Variants in ZFHX3 observed in about 807,000 individuals in gnomAD.
The protein encoded by ZFHX3 is zinc finger homeobox protein 3.
Under a neutral mutation model 279.1 loss-of-function variants are expected in ZFHX3, and 42 were observed. The observed-to-expected ratio is 0.15, with a 90% CI of 0.12 to 0.19. ZFHX3 has a LOEUF of 0.19. ZFHX3 is among the 10% of genes least tolerant of loss of function. ZFHX3 has a pLI of 1.00. For missense variants in ZFHX3, 4,981 were observed against 4,754.0 expected, an observed-to-expected ratio of 1.05 and a Z score of -1.40; for synonymous variants, 2,293 against 1,957.8, an observed-to-expected ratio of 1.17 and a Z score of -4.52.
intron 1 of ZFHX3, among the ~76,000 whole-genome samples, chr16:73,759,223 T>C (rs1022235384): frequency 1.3e-5 from 2 of 152,216 alleles, no homozygotes; most frequent in African/African-American, 4.8e-5. Context: ...GATCCTTCTC[T>C]CTTGATGCTT....
chr16:73,241,096 CA>C (rs1347897901), intron 5 of ZFHX3, among the ~76,000 whole-genome samples: 1 of 152,188 alleles, frequency 6.6e-6, no homozygotes, highest in African/African-American at 2.4e-5. Context: ...GATGAGACCC[CA>C]CTGGAAGCTG....
intron 5 of ZFHX3, among the ~76,000 whole-genome samples, chr16:73,170,276 G>C (rs1248820941): frequency 1.9e-5 from 2 of 105,114 alleles, no homozygotes; most frequent in East Asian, 6.4e-4. Context: ...TGTCACCCAC[G>C]TTGGAGTGCA....
intron 3 of ZFHX3, among the ~76,000 whole-genome samples, chr16:73,437,453 T>G (rs1221895285): frequency 6.6e-6 from 1 of 152,068 alleles, no homozygotes; most frequent in Non-Finnish European, 1.5e-5. Flanking sequence ...TGGTGGGAAA[T>G]TGAAGCGTAT....
intron 2 of ZFHX3, among the ~76,000 whole-genome samples, chr16:73,562,797 C>T (rs897234183): frequency 6.6e-5 from 10 of 151,950 alleles, no homozygotes; most frequent in Non-Finnish European, 1.3e-4. Context: ...TTTTAAAAGC[C>T]TTTCTATGAA....
intron 7 of ZFHX3, among the ~76,000 whole-genome samples, chr16:73,110,949 GT>G (rs993747293): frequency 6.6e-6 from 1 of 151,232 alleles, no homozygotes; most frequent in African/African-American, 2.4e-5. Flanking sequence ...ATGATTTTAT[GT>G]TTTTTTTTGA....
chr16:72,959,440 C>A lies in ZFHX3; in HGVS notation c.706G>T (p.Val236Leu). ...PVLHSFRVFD[V>L]RHKSNKDYLN... Reference sequence around the variant, plus strand: ...TAATCCTTGTTGCTTTTGTGTCGCACGTCAAACACGCGGAAGCTGTGCAGG... The same window carrying A: ...TAATCCTTGTTGCTTTTGTGTCGCAAGTCAAACACGCGGAAGCTGTGCAGG... The change falls in exon 2 of 10, where the codon GTG becomes TTG. Residue 236 changes from valine (V) to leucine (L), a missense_variant. Coordinates refer to ENST00000268489, the MANE Select transcript of ZFHX3 (RefSeq NM_006885.4). 6.2e-7 allele frequency: 1 copy of A among 1,614,230 alleles called. No individual in the cohort carries two copies. The highest frequency in any genetic ancestry group is 8.5e-7 in the Non-Finnish European group (1 of 1,180,034).
At chr16:73,308,359 C>T (rs953393150) in intron 4 of ZFHX3, among the ~76,000 whole-genome samples, 1 of 151,124 alleles carries the variant, frequency 6.6e-6, no homozygotes, top group Non-Finnish European at 1.5e-5. Context: ...CTCACTGCCA[C>T]TTCCACCTCC....
chr16:73,812,736 A>T (rs1243032549), intron 1 of ZFHX3: 2 of 152,256 alleles, frequency 1.3e-5, no homozygotes, highest in African/African-American at 4.8e-5. Flanking sequence ...AAACAGCTCA[A>T]TAGATGTTTG....
At chr16:73,637,174 G>C (rs951109662) in intron 2 of ZFHX3, among the ~76,000 whole-genome samples, 25 of 150,996 alleles carry the variant, frequency 1.7e-4, no homozygotes, top group Admixed American at 1.4e-3. Flanking sequence ...ATAAATGCTT[G>C]ACTAGCACAG....
chr16:73,287,380 C>T (rs1257098107), intron 4 of ZFHX3, among the ~76,000 whole-genome samples: 1 of 55,846 alleles, frequency 1.8e-5, no homozygotes, highest in Non-Finnish European at 3.3e-5. Context: ...GTGTGTGGGC[C>T]AGTGTGTGGG....
At chr16:72,913,476 A>G (rs1248028378) in intron 3 of ZFHX3, among the ~76,000 whole-genome samples, 1 of 152,142 alleles carries the variant, frequency 6.6e-6, no homozygotes, top group Non-Finnish European at 1.5e-5. Flanking sequence ...ATTTCTGGAG[A>G]GAATGCCACC....
intron 4 of ZFHX3, among the ~76,000 whole-genome samples, chr16:73,311,124 T>C (rs982515814): frequency 4.0e-5 from 6 of 151,898 alleles, no homozygotes; most frequent in East Asian, 1.9e-4. Context: ...TCCCAGCTAC[T>C]TGGGAGGCTG....
intron 4 of ZFHX3, among the ~76,000 whole-genome samples, chr16:72,843,326 C>T (rs959545916): frequency 6.6e-5 from 10 of 151,802 alleles, no homozygotes; most frequent in Non-Finnish European, 1.3e-4. Context: ...CTGGCTAACA[C>T]GGTGAAACCC....
At chr16:73,878,923 C>T (rs1312345720) in intron 1 of ZFHX3, among the ~76,000 whole-genome samples, 1 of 141,050 alleles carries the variant, frequency 7.1e-6, no homozygotes, top group East Asian at 2.0e-4. Flanking sequence ...ACATCCTTCA[C>T]TGTTCAAAAA....
chr16:73,521,623 G>T (rs1396569295), intron 2 of ZFHX3, among the ~76,000 whole-genome samples: 1 of 152,056 alleles, frequency 6.6e-6, no homozygotes, highest in East Asian at 1.9e-4. Context: ...AGAAAATGTA[G>T]TGAACGTAGA....
chr16:72,855,043 A>G (rs1037429000), intron 4 of ZFHX3, among the ~76,000 whole-genome samples: 2 of 152,136 alleles, frequency 1.3e-5, no homozygotes, highest in African/African-American at 4.8e-5. Context: ...TACTGTACGC[A>G]GAGATAAATA....
At chr16:73,168,529 T>C (rs1967446444) in intron 5 of ZFHX3, among the ~76,000 whole-genome samples, 1 of 152,132 alleles carries the variant, frequency 6.6e-6, no homozygotes, top group Non-Finnish European at 1.5e-5. Flanking sequence ...GTGCTGGGAT[T>C]GCAGGTGTGA....
chr16:72,895,083 G>T (rs757705270), intron 3 of ZFHX3, among the ~76,000 whole-genome samples: 1 of 152,156 alleles, frequency 6.6e-6, no homozygotes, highest in African/African-American at 2.4e-5. Context: ...GGTTTGTTTC[G>T]GTTTGAGTCT....
chr16:73,797,736 TC>T (rs1203798148), intron 1 of ZFHX3, among the ~76,000 whole-genome samples: 1 of 151,880 alleles, frequency 6.6e-6, no homozygotes, highest in Non-Finnish European at 1.5e-5. Context: ...AGTTTCTTCG[TC>T]TAAAAATTAG....
Sources: gnomAD v4.1 joint callset for allele counts (sites outside exome capture counted in the v4.1 genomes callset) on GRCh38, gnomAD v4.1.1 for gene constraint, MANE v1.5 for transcripts, NCBI Gene and HGNC (gene_info 2026-07-23, HGNC 2026-07-21) for gene names.